The following RB1CC1 variants were observed in gnomAD, a reference collection of about 807,000 sequenced individuals.
RB1CC1 encodes RB1 inducible coiled-coil 1, also known as RB1-inducible coiled-coil protein 1.
In RB1CC1, 46 loss-of-function variants were observed where a neutral mutation model predicts 177.5. That is an observed-to-expected ratio of 0.26 (90% CI 0.20 to 0.33). The LOEUF (loss-of-function observed/expected upper bound fraction) is 0.33. Ranked by LOEUF, RB1CC1 falls within the 10% of genes least tolerant of loss-of-function variation. RB1CC1 has a pLI of 1.00. For missense variants in RB1CC1, 1,703 were observed against 1,816.3 expected (o/e 0.94, Z 1.13); for synonymous variants, 666 against 613.6 (o/e 1.09, Z -1.26).
chr8:52,630,624 C>T, intron 20 of RB1CC1, 96 bp from the exon 21 acceptor site: 7 of 1,270,052 alleles, frequency 5.5e-6, no homozygotes, highest in Non-Finnish European at 6.3e-6. Flanking sequence ...ACATTCAAGC[C>T]TGTGTCCAGC....
At chr8:52,685,913 G>A (rs1433119387) in intron 2 of RB1CC1, 1 of 152,470 alleles carries the variant, frequency 6.6e-6, no homozygotes, top group East Asian at 1.9e-4. Context: ...ATAAAAAATA[G>A]ATTAGTATTA....
intron 1 of RB1CC1, among the ~76,000 whole-genome samples, chr8:52,696,250 G>A (rs1855398823): frequency 6.6e-6 from 1 of 151,502 alleles, no homozygotes; most frequent in African/African-American, 2.4e-5. Flanking sequence ...CTCCATGTTG[G>A]CCAGGATGGT....
At chr8:52,626,310 C>A (rs907361621) in intron 22 of RB1CC1, among the ~76,000 whole-genome samples, 3 of 152,142 alleles carry the variant, frequency 2.0e-5, no homozygotes, top group Non-Finnish European at 4.4e-5. Flanking sequence ...CTTGTGAAAG[C>A]CTTTAAAATG....
chr8:52,657,232 T>G lies in RB1CC1; in HGVS notation c.2597A>C (p.Glu866Ala). ...EITLKEKHQK[E>A]LLSLKNEYEG... is the part of the protein sequence containing the mutation. ...ATATTCATTTTTTAAAGACAGTAGT[T>G]CTTTTTGATGTTTTTCTTTTAGTGT... Residue 866 changes from glutamate to alanine, a missense_variant, in exon 15 of 24, where the codon GAA (glutamate) becomes GCA (alanine). Glu to Ala is a moderately radical substitution (Grantham distance 107, BLOSUM62 -1). This residue lies in a region of RB1CC1 where 1,169 missense variants were observed against 1,184.7 expected (regional missense o/e 0.99). Coordinates refer to ENST00000025008, the MANE Select transcript of RB1CC1 (RefSeq NM_014781.5). 6.3e-7 allele frequency: 1 copy of G among 1,595,166 alleles called. No homozygotes were observed. The highest frequency in any genetic ancestry group is 8.6e-7 in the Non-Finnish European group (1 of 1,165,418).
At chr8:52,711,631 A>G (rs982918492) in intron 1 of RB1CC1, among the ~76,000 whole-genome samples, 18 of 152,240 alleles carry the variant, frequency 1.2e-4, no homozygotes, top group African/African-American at 4.3e-4. Context: ...CATTTCAGGA[A>G]TAAATGAAGT....
intron 1 of RB1CC1, among the ~76,000 whole-genome samples, chr8:52,689,820 C>A (rs1854651313): frequency 6.6e-6 from 1 of 152,246 alleles, no homozygotes; most frequent in South Asian, 2.1e-4. Context: ...TAGCCTCATA[C>A]ACATCTTCTT....
At chr8:52,711,090 C>T (rs757635574) in intron 1 of RB1CC1, among the ~76,000 whole-genome samples, 2 of 151,776 alleles carry the variant, frequency 1.3e-5, no homozygotes, top group African/African-American at 2.4e-5. Flanking sequence ...AGCAAACTAA[C>T]GGGTAGAAAA....
At chr8:52,665,272 AAG>A (rs1329925118) in intron 8 of RB1CC1, among the ~76,000 whole-genome samples, 1 of 152,230 alleles carries the variant, frequency 6.6e-6, no homozygotes, top group Non-Finnish European at 1.5e-5. Flanking sequence ...AAACATGAAA[AAG>A]AAAATGTGGC....
intron 23 of RB1CC1, 43 bp downstream of exon 23, chr8:52,624,674 C>G: frequency 6.9e-7 from 1 of 1,459,370 alleles, no homozygotes. Flanking sequence ...TTAAAATCTT[C>G]TTTACAGTTC....
At chr8:52,630,177 T>A (rs1269836013) in intron 21 of RB1CC1, among the ~76,000 whole-genome samples, 1 of 152,168 alleles carries the variant, frequency 6.6e-6, no homozygotes, top group African/African-American at 2.4e-5. Flanking sequence ...ACTAAGGAGA[T>A]AAATGGGATT....
intron 2 of RB1CC1, among the ~76,000 whole-genome samples, chr8:52,686,415 G>A (rs1447640533): frequency 5.9e-5 from 9 of 152,104 alleles, no homozygotes; most frequent in Admixed American, 1.3e-4. Context: ...ACTTGGTGGC[G>A]CATGCCTGTG....
At position 52,692,899 on chromosome 8, in the gene RB1CC1, T is replaced by C. The variant is rs1254300471; in HGVS notation, c.-166-5932A>G. 2.6e-5 allele frequency among the ~76,000 whole-genome samples: 4 copies of C among 152,212 alleles called. No individual in the cohort carries two copies. The East Asian group carries it at 5.8e-4, about 22-fold the overall frequency. ...TTTTCAACAGAAAGCAAAGTCATCATCCAAGAAATGGCATGGACCCAGATC... is the reference window on the plus strand; with the variant it reads ...TTTTCAACAGAAAGCAAAGTCATCACCCAAGAAATGGCATGGACCCAGATC... On this transcript the variant is annotated intron_variant, in intron 1 of 23. Coordinates refer to ENST00000025008, the MANE Select transcript of RB1CC1 (RefSeq NM_014781.5).
intron 1 of RB1CC1, among the ~76,000 whole-genome samples, chr8:52,693,315 TATC>T (rs1461332053): frequency 6.6e-6 from 1 of 152,114 alleles, no homozygotes; most frequent in Non-Finnish European, 1.5e-5. Context: ...CAAAACAAAC[TATC>T]ATCAGAGTGA....
intron 7 of RB1CC1, among the ~76,000 whole-genome samples, chr8:52,673,363 A>C (rs1419905173): frequency 3.9e-5 from 6 of 152,168 alleles, no homozygotes; most frequent in Admixed American, 3.3e-4. Flanking sequence ...ATACAAGCTC[A>C]CTATAACTAT....
intron 1 of RB1CC1, among the ~76,000 whole-genome samples, chr8:52,704,050 A>T (rs1856337788): frequency 6.6e-6 from 1 of 151,632 alleles, no homozygotes; most frequent in Non-Finnish European, 1.5e-5. Context: ...AAAAACATTC[A>T]GCAAAAAGGG....
intron 7 of RB1CC1, among the ~76,000 whole-genome samples, chr8:52,670,678 A>C (rs1253666755): frequency 6.6e-6 from 1 of 152,214 alleles, no homozygotes; most frequent in African/African-American, 2.4e-5. Context: ...GTATAAACTG[A>C]AACAGAACAC....
At chr8:52,698,705 T>G (rs1417442613) in intron 1 of RB1CC1, among the ~76,000 whole-genome samples, 11 of 31,466 alleles carry the variant, frequency 3.5e-4, no homozygotes, top group African/African-American at 6.0e-4. Context: ...TTTTTTTTTT[T>G]TTTTTTTTTT....
intron 20 of RB1CC1, 118 bp downstream of exon 20, chr8:52,634,803 A>T: frequency 1.2e-6 from 1 of 855,998 alleles, no homozygotes; most frequent in Non-Finnish European, 1.8e-6. Context: ...GGACCAACAA[A>T]CCTACTATAG....
chr8:52,699,304 T>A (rs913179153), intron 1 of RB1CC1, among the ~76,000 whole-genome samples: 1 of 152,170 alleles, frequency 6.6e-6, no homozygotes, highest in African/African-American at 2.4e-5. Flanking sequence ...ATCTCAAAAG[T>A]AGAGATAACA....
Sources: allele counts gnomAD v4.1 joint callset (sites outside exome capture counted in the v4.1 genomes callset), GRCh38; gene constraint gnomAD v4.1.1; regional missense constraint gnomAD v4.1.1; transcripts MANE v1.5; gene names NCBI Gene and HGNC (gene_info 2026-07-23, HGNC 2026-07-21).